VAV3: variants seen among roughly 807,000 people sequenced by gnomAD.
VAV3 encodes vav guanine nucleotide exchange factor 3.
VAV3 carries 94 observed loss-of-function variants against 131.2 expected under a neutral mutation model. The observed-to-expected ratio is 0.72, with a 90% CI of 0.61 to 0.85. VAV3 has a LOEUF of 0.85. Among genes scored for constraint, VAV3 ranks in the 40% least tolerant of loss-of-function variants. The pLI is 0.00. For synonymous variants in VAV3, 349 were observed against 342.0 expected (o/e 1.02, Z -0.22); for missense variants, 939 against 1,002.7 (o/e 0.94, Z 0.86).
At chr1:107,638,956 C>T (rs758413104) in intron 20 of VAV3, among the ~76,000 whole-genome samples, 1 of 151,776 alleles carries the variant, frequency 6.6e-6, no homozygotes, top group Non-Finnish European at 1.5e-5. Context: ...CATATATACA[C>T]ATAAAGATAT....
chr1:107,941,570 G>A (rs1673998173), intron 1 of VAV3, among the ~76,000 whole-genome samples: 1 of 152,106 alleles, frequency 6.6e-6, no homozygotes, highest in South Asian at 2.1e-4. Context: ...TAGAGTTTCT[G>A]TACATTTTAA....
intron 2 of VAV3, among the ~76,000 whole-genome samples, chr1:107,802,528 G>A (rs80007339): frequency 0.046 from 7,022 of 151,956 alleles, 251 homozygotes; most frequent in African/African-American, 0.097. Flanking sequence ...TATTCTTAAC[G>A]TTTGTTGAGG....
intron 25 of VAV3, among the ~76,000 whole-genome samples, chr1:107,588,480 G>C (rs1483774972): frequency 1.3e-5 from 2 of 152,174 alleles, no homozygotes; most frequent in Non-Finnish European, 2.9e-5. Context: ...GGTAGCAGGA[G>C]CAGCAGTAGT....
chr1:107,854,919 T>C (rs1253340874), intron 2 of VAV3, among the ~76,000 whole-genome samples: 1 of 152,230 alleles, frequency 6.6e-6, no homozygotes, highest in African/African-American at 2.4e-5. Context: ...TGTTCCTGCT[T>C]AGCAGATGAC....
intron 2 of VAV3, among the ~76,000 whole-genome samples, chr1:107,869,376 T>C (rs1327308050): frequency 6.6e-6 from 1 of 152,156 alleles, no homozygotes; most frequent in East Asian, 1.9e-4. Flanking sequence ...TAATTCAAAA[T>C]TCGACACCTA....
chr1:107,857,133 T>A (rs1281203247), intron 2 of VAV3, among the ~76,000 whole-genome samples: 1 of 152,082 alleles, frequency 6.6e-6, no homozygotes, highest in Non-Finnish European at 1.5e-5. Flanking sequence ...TTTGACTCAG[T>A]GGGCTGGGAA....
intron 2 of VAV3, among the ~76,000 whole-genome samples, chr1:107,826,600 A>G (rs72981460): frequency 1.3e-3 from 192 of 152,312 alleles, no homozygotes; most frequent in African/African-American, 4.5e-3. Flanking sequence ...ACTGGCAGAC[A>G]GTTGGCAAAC....
At chr1:107,889,298 T>C (rs1231510933) in intron 1 of VAV3, among the ~76,000 whole-genome samples, 1 of 152,128 alleles carries the variant, frequency 6.6e-6, no homozygotes, top group Non-Finnish European at 1.5e-5. Flanking sequence ...ATAGTAAACA[T>C]CTGAGAGGAG....
chr1:107,947,662 C>T (rs747611791), intron 1 of VAV3, among the ~76,000 whole-genome samples: 2 of 152,258 alleles, frequency 1.3e-5, no homozygotes, highest in South Asian at 2.1e-4. Context: ...TGAGTTGAAC[C>T]GAGGTCTGGC....
chr1:107,832,374 C>G (rs1331434834), intron 2 of VAV3, among the ~76,000 whole-genome samples: 1 of 152,164 alleles, frequency 6.6e-6, no homozygotes, highest in Non-Finnish European at 1.5e-5. Context: ...AGAGCAGTTA[C>G]AATGATAAGA....
At chr1:107,728,627 ATATGTATATGTATATGTATATG>A (rs1288740710) in intron 15 of VAV3, among the ~76,000 whole-genome samples, 2 of 149,050 alleles carry the variant, frequency 1.3e-5, no homozygotes, top group Non-Finnish European at 3.0e-5. Flanking sequence ...ATGTATATGT[ATATGTATATGTATATGTATATG>A]TATTGTGTAA....
intron 1 of VAV3, among the ~76,000 whole-genome samples, chr1:107,929,287 CAAAA>C (rs372843076): frequency 1.1e-5 from 1 of 92,536 alleles, no homozygotes. Context: ...CACTCTGTCT[CAAAA>C]AAAAAAAAAA....
In VAV3 at chr1:107,779,537, TATAAG is replaced by T. The variant is rs758838118; in HGVS notation, c.322-50_322-46del. ...CTAATTAGATATGTAGTTCAGAAAA[TATAAG>T]ATTTCTTTTTCCAAAATTTTTTCAA... On this transcript the variant is annotated intron_variant, in intron 2 of 26. Coordinates refer to ENST00000370056, the MANE Select transcript of VAV3 (RefSeq NM_006113.5). 5.4e-6 allele frequency: 8 copies of T among 1,478,416 alleles called. No individual in the cohort carries two copies. In the East Asian group the frequency reaches 2.0e-4, roughly 37 times the overall value. The allele number at this position is 1,478,416 out of a possible 1,614,324, so 91.6% of individuals were successfully genotyped here. A position where few individuals can be genotyped will look rare whatever the true frequency, so the allele number is the denominator to read the frequency against.
intron 2 of VAV3, among the ~76,000 whole-genome samples, chr1:107,794,204 A>C (rs183575077): frequency 6.6e-6 from 1 of 152,256 alleles, no homozygotes; most frequent in African/African-American, 2.4e-5. Context: ...AACTGGTATC[A>C]GGCAAGATCC....
chr1:107,859,945 G>A (rs1198681508), intron 2 of VAV3, among the ~76,000 whole-genome samples: 1 of 152,084 alleles, frequency 6.6e-6, no homozygotes, highest in Non-Finnish European at 1.5e-5. Flanking sequence ...TTTGTTATAT[G>A]TGATAAAGAT....
intron 15 of VAV3, among the ~76,000 whole-genome samples, chr1:107,743,009 G>A (rs147388734): frequency 8.5e-4 from 130 of 152,260 alleles, no homozygotes; most frequent in African/African-American, 3.1e-3. Context: ...GGCCTGGCAG[G>A]GAAAGCTTAT....
At chr1:107,674,529 C>T (rs1294914817) in intron 19 of VAV3, among the ~76,000 whole-genome samples, 2 of 152,106 alleles carry the variant, frequency 1.3e-5, no homozygotes, top group African/African-American at 4.8e-5. Context: ...TACAGCTAGA[C>T]CACAGGAAAT....
At chr1:107,717,537 G>A (rs555451009) in intron 15 of VAV3, among the ~76,000 whole-genome samples, 1 of 152,318 alleles carries the variant, frequency 6.6e-6, no homozygotes, top group South Asian at 2.1e-4. Context: ...TTTCCATGTA[G>A]TTGTGCGGTT....
chr1:107,928,899 T>C (rs1673286052), intron 1 of VAV3, among the ~76,000 whole-genome samples: 1 of 151,972 alleles, frequency 6.6e-6, no homozygotes, highest in Non-Finnish European at 1.5e-5. Flanking sequence ...CCAAGTATAA[T>C]AAGGTTCTAA....
Sources: gnomAD v4.1 joint callset for allele counts (sites outside exome capture counted in the v4.1 genomes callset) on GRCh38, gnomAD v4.1.1 for gene constraint, MANE v1.5 for transcripts, NCBI Gene and HGNC (gene_info 2026-07-23, HGNC 2026-07-21) for gene names.